FNBP1L: variants seen among roughly 807,000 people sequenced by gnomAD.
FNBP1L encodes the protein formin-binding protein 1-like.
A neutral mutation model predicts 91.2 loss-of-function variants in FNBP1L; 36 were observed. The ratio of observed to expected loss-of-function variants is 0.39; its 90% CI spans 0.30 to 0.52. FNBP1L has a LOEUF of 0.52. Among genes scored for constraint, FNBP1L ranks in the 20% least tolerant of loss-of-function variants. FNBP1L has a pLI of 0.66. For synonymous variants in FNBP1L, 242 were observed against 237.0 expected (o/e 1.02, Z -0.19); for missense variants, 571 against 732.1 (o/e 0.78, Z 2.54).
intron 1 of FNBP1L, among the ~76,000 whole-genome samples, chr1:93,448,522 C>G (rs1570749465): frequency 1.3e-5 from 2 of 152,208 alleles, no homozygotes; most frequent in East Asian, 3.9e-4. Flanking sequence ...GCCTTTGCCG[C>G]CGTGGTGCAG....
At chr1:93,512,197 G>T (rs1309275780) in intron 2 of FNBP1L, among the ~76,000 whole-genome samples, 1 of 152,006 alleles carries the variant, frequency 6.6e-6, no homozygotes, top group Non-Finnish European at 1.5e-5. Flanking sequence ...AATGGTAATG[G>T]GATCAATTCA....
rs189363318 is a variant in FNBP1L at position 93,460,301 on chromosome 1, C to T, written c.24+11996C>T. Among the ~76,000 whole-genome samples, 18 of 152,262 alleles carry T rather than the reference C, an allele frequency of 1.2e-4. No individual in the cohort carries two copies. In the East Asian group the frequency reaches 2.3e-3, roughly 20 times the overall value. ...GGTGTGTGACGACATAGCACCAAGGCGCTGTCTTGGAAGCAGAGAGCAGCC... is the reference window on the plus strand; with the variant it reads ...GGTGTGTGACGACATAGCACCAAGGTGCTGTCTTGGAAGCAGAGAGCAGCC... On this transcript the variant is annotated intron_variant, in intron 1 of 16. Coordinates refer to ENST00000271234, the MANE Select transcript of FNBP1L (RefSeq NM_001164473.3).
At chr1:93,540,295 TAATC>T (rs778325094) in intron 10 of FNBP1L, among the ~76,000 whole-genome samples, 1 of 152,202 alleles carries the variant, frequency 6.6e-6, no homozygotes, top group Non-Finnish European at 1.5e-5. Context: ...GAATACATTT[TAATC>T]AATTTTCTAA....
intron 2 of FNBP1L, among the ~76,000 whole-genome samples, chr1:93,513,696 A>G (rs1670952626): frequency 6.6e-6 from 1 of 152,210 alleles, no homozygotes; most frequent in Non-Finnish European, 1.5e-5. Flanking sequence ...AGATGCAGAA[A>G]AGGCCTTTGA....
intron 1 of FNBP1L, among the ~76,000 whole-genome samples, chr1:93,456,787 A>AT (rs1455451415): frequency 3.9e-5 from 6 of 152,080 alleles, no homozygotes; most frequent in Non-Finnish European, 8.8e-5. Flanking sequence ...CAAAAAAAAA[A>AT]AAAATCGTTG....
intron 2 of FNBP1L, among the ~76,000 whole-genome samples, chr1:93,512,722 A>C (rs548582468): frequency 1.6e-3 from 241 of 152,030 alleles, no homozygotes; most frequent in African/African-American, 5.5e-3. Context: ...CTTTGAAACC[A>C]ACGAGAACAA....
At chr1:93,531,960 C>T (rs1671691257) in intron 7 of FNBP1L, among the ~76,000 whole-genome samples, 1 of 152,038 alleles carries the variant, frequency 6.6e-6, no homozygotes, top group African/African-American at 2.4e-5. Context: ...TTTATGTGTT[C>T]CAACATATTT....
Position 93,487,151 on chromosome 1 carries a change from T to C in FNBP1L, c.25-12317T>C, listed in dbSNP as rs149904972. Among the ~76,000 whole-genome samples the C allele has an allele frequency of 7.2e-4, 109 of 152,350 alleles. No homozygotes were observed. In the East Asian group the frequency reaches 0.017, roughly 24 times the overall value. The stretch of plus-strand genomic sequence containing the variant: ...TTTTCAGTCTTTTTACTACTTTTAA[T>C]AGCACCTGACAAAGTGGAACACTTT... On this transcript the variant is annotated intron_variant, in intron 1 of 16. Coordinates refer to ENST00000271234, the MANE Select transcript of FNBP1L (RefSeq NM_001164473.3).
chr1:93,519,073 A>G (rs2101747526), intron 2 of FNBP1L, among the ~76,000 whole-genome samples: 1 of 152,358 alleles, frequency 6.6e-6, no homozygotes, highest in South Asian at 2.1e-4. Flanking sequence ...TAATTAATTT[A>G]TAGCAGATAG....
chr1:93,473,886 T>A (rs1212535098), intron 1 of FNBP1L, among the ~76,000 whole-genome samples: 1 of 152,124 alleles, frequency 6.6e-6, no homozygotes, highest in Non-Finnish European at 1.5e-5. Context: ...CCCTAAGCAG[T>A]AGCTGTAGGC....
At chr1:93,534,200 A>G (rs1439325310) in intron 8 of FNBP1L, among the ~76,000 whole-genome samples, 2 of 152,052 alleles carry the variant, frequency 1.3e-5, no homozygotes, top group Admixed American at 6.6e-5. Flanking sequence ...TATTTAATTT[A>G]TTTATCTTTT....
chr1:93,462,547 A>G (rs1030129121), intron 1 of FNBP1L, among the ~76,000 whole-genome samples: 3 of 152,132 alleles, frequency 2.0e-5, no homozygotes, highest in Non-Finnish European at 4.4e-5. Context: ...GACACTTGGC[A>G]GTAACATTTT....
intron 1 of FNBP1L, among the ~76,000 whole-genome samples, chr1:93,465,015 TA>T (rs1669023964): frequency 6.6e-6 from 1 of 152,134 alleles, no homozygotes; most frequent in African/African-American, 2.4e-5. Flanking sequence ...GCTACATAAG[TA>T]GAAGTTTGAG....
intron 1 of FNBP1L, among the ~76,000 whole-genome samples, chr1:93,478,635 A>G (rs1271690619): frequency 6.6e-6 from 1 of 152,094 alleles, no homozygotes; most frequent in African/African-American, 2.4e-5. Context: ...TAAAGAGGGT[A>G]CCTGTATGTA....
Position 93,463,295 on chromosome 1 carries a change from A to G in FNBP1L, c.24+14990A>G, listed in dbSNP as rs545867161. 2.8e-4 allele frequency among the ~76,000 whole-genome samples: 42 copies of G among 152,284 alleles called. 1 individual carries two copies. The highest frequency in any genetic ancestry group is 9.1e-4 in the African/African-American group (38 of 41,562). ...GTTCATTTTGTTGTAGAATAGTGTT[A>G]GAAACAGATCTGGGTGCTGGGTATG... On this transcript the variant is annotated intron_variant, in intron 1 of 16. Transcript: ENST00000271234.
chr1:93,481,345 C>G (rs548110188), intron 1 of FNBP1L, among the ~76,000 whole-genome samples: 1 of 152,240 alleles, frequency 6.6e-6, no homozygotes, highest in Admixed American at 6.5e-5. Context: ...TTTATTATCA[C>G]TATCAGCCTG....
intron 1 of FNBP1L, among the ~76,000 whole-genome samples, chr1:93,489,168 A>T (rs180836994): frequency 1.8e-4 from 28 of 152,294 alleles, no homozygotes; most frequent in Non-Finnish European, 2.9e-5. Flanking sequence ...ACCATAAATC[A>T]GGGTTGAAAT....
At chr1:93,466,223 A>G (rs757373159) in intron 1 of FNBP1L, among the ~76,000 whole-genome samples, 9 of 152,002 alleles carry the variant, frequency 5.9e-5, no homozygotes, top group Non-Finnish European at 1.3e-4. Context: ...CCCTTTGTCT[A>G]TTTTGGCTTT....
intron 1 of FNBP1L, among the ~76,000 whole-genome samples, chr1:93,461,659 A>G (rs1350416627): frequency 6.6e-6 from 1 of 152,190 alleles, no homozygotes; most frequent in Non-Finnish European, 1.5e-5. Flanking sequence ...CACTCTCCAG[A>G]GCTGGGTGCA....
Sources: allele counts gnomAD v4.1 joint callset (sites outside exome capture counted in the v4.1 genomes callset), GRCh38; gene constraint gnomAD v4.1.1; transcripts MANE v1.5; gene names NCBI Gene and HGNC (gene_info 2026-07-23, HGNC 2026-07-21).